The following CHD7 variants were observed in gnomAD, a reference collection of about 807,000 sequenced individuals.
CHD7 encodes chromodomain helicase DNA binding protein 7.
CHD7 carries 24 observed loss-of-function variants against 307.3 expected under a neutral mutation model. The ratio of observed to expected loss-of-function variants is 0.08; its 90% CI spans 0.06 to 0.11. The LOEUF is 0.11. Among genes scored for constraint, CHD7 ranks in the 10% least tolerant of loss-of-function variants. CHD7 has a pLI of 1.00. For synonymous variants in CHD7, 1,363 were observed against 1,349.9 expected, an observed-to-expected ratio of 1.01 and a Z score of -0.21; for missense variants, 3,106 against 3,727.1, an observed-to-expected ratio of 0.83 and a Z score of 4.34.
intron 3 of CHD7, 51 bp from the exon 4 acceptor site, chr8:60,794,935 A>G (rs1811944881): frequency 1.3e-6 from 2 of 1,522,064 alleles, no homozygotes; most frequent in South Asian, 2.5e-5. Context: ...TATAAGAGAC[A>G]TGCAGAAACA....
intron 2 of CHD7, among the ~76,000 whole-genome samples, chr8:60,769,304 T>G (rs1400991002): frequency 6.6e-6 from 1 of 152,178 alleles, no homozygotes; most frequent in African/African-American, 2.4e-5. Context: ...TCCCTCAAAC[T>G]GGGTTCAGGG....
At chr8:60,853,877 G>A (rs1223729274) in intron 31 of CHD7, among the ~76,000 whole-genome samples, 1 of 152,168 alleles carries the variant, frequency 6.6e-6, no homozygotes, top group African/African-American at 2.4e-5. Context: ...AACAACTGGT[G>A]CTTGTTATGT....
Position 60,741,880 on chromosome 8 carries a change from G to A in CHD7, c.448G>A (p.Val150Ile). 2 of 1,613,688 alleles carry A rather than the reference G, an allele frequency of 1.2e-6. No individual in the cohort carries two copies. Among genetic ancestry groups the A allele is most frequent in the Non-Finnish European group, 1.7e-6 (2 of 1,179,792 alleles). The change falls in exon 2 of 38, where the codon GTT becomes ATT. Residue 150 changes from valine to isoleucine, a missense_variant. Val to Ile is a conservative substitution (Grantham distance 29). Transcript: ENST00000423902. ...DSSSMWGPRAVQVPDQIRAPY... is the reference protein window; with the variant it reads ...DSSSMWGPRAIQVPDQIRAPY... ...CAGCTCCATGTGGGGCCCCAGGGCT[G>A]TTCAGGTACCAGACCAGATACGAGC...
At chr8:60,748,956 G>T (rs958183736) in intron 2 of CHD7, among the ~76,000 whole-genome samples, 1 of 149,512 alleles carries the variant, frequency 6.7e-6, no homozygotes, top group Non-Finnish European at 1.5e-5. Flanking sequence ...AAACCTGGAA[G>T]AATCAGTGGT....
At chr8:60,843,640 T>C (rs964638310) in intron 21 of CHD7, among the ~76,000 whole-genome samples, 3 of 152,210 alleles carry the variant, frequency 2.0e-5, no homozygotes, top group Non-Finnish European at 4.4e-5. Context: ...AGCACTCTGC[T>C]GTGGAGCATA....
intron 19 of CHD7, among the ~76,000 whole-genome samples, chr8:60,840,541 T>C (rs2150783846): frequency 6.6e-6 from 1 of 152,334 alleles, no homozygotes; most frequent in East Asian, 1.9e-4. Context: ...CTCACTATGT[T>C]GCCCAGGCCA....
intron 14 of CHD7, among the ~76,000 whole-genome samples, chr8:60,829,853 G>A (rs571421144): frequency 6.6e-6 from 1 of 152,286 alleles, no homozygotes; most frequent in East Asian, 1.9e-4. Context: ...CCAATCAATA[G>A]AAAAGAGAAC....
At chr8:60,857,621 GCTGGAACTCCTTGT>G (rs749165114) in intron 34 of CHD7, among the ~76,000 whole-genome samples, 23 of 152,160 alleles carry the variant, frequency 1.5e-4, no homozygotes, top group Non-Finnish European at 2.8e-4. Flanking sequence ...CACCATAGTG[GCTGGAACTCCTTGT>G]CTGTGTTGTG....
chr8:60,715,500 G>C (rs1281901952), intron 1 of CHD7, among the ~76,000 whole-genome samples: 1 of 151,958 alleles, frequency 6.6e-6, no homozygotes, highest in Non-Finnish European at 1.5e-5. Context: ...TTGTGTTTTA[G>C]TAGAGACAGA....
Position 60,856,090 on chromosome 8 carries a change from C to T in CHD7, c.7052C>T (p.Pro2351Leu), listed in dbSNP as rs373370399. The T allele has an allele frequency of 5.6e-6, 9 of 1,611,354 alleles. No individual in the cohort carries two copies. The highest frequency in any genetic ancestry group is 7.6e-6 in the Non-Finnish European group (9 of 1,178,762). ...CAAGGCCTCATCCCAGGTTACACAC[C>T]CACCACAGTGGACAGCCCCTTGCAG... The part of the protein sequence containing the change: ...DFQGLIPGYT[P>L]TTVDSPLQKR... The change falls in exon 33 of 38, where the codon CCC (proline) becomes CTC (leucine). Residue 2351 changes from proline to leucine, a missense_variant. Around this residue, in one of 10 missense-constraint regions of CHD7, gnomAD observed 1,030 missense variants for 1,165.4 expected, o/e 0.88. Coordinates refer to ENST00000423902, the MANE Select transcript of CHD7 (RefSeq NM_017780.4).
At chr8:60,814,947 C>A (rs1459477618) in intron 7 of CHD7, among the ~76,000 whole-genome samples, 3 of 152,168 alleles carry the variant, frequency 2.0e-5, no homozygotes, top group Non-Finnish European at 2.9e-5. Flanking sequence ...CAAAATGCTC[C>A]ATTGAGCATT....
chr8:60,755,201 T>A (rs2150605030), intron 2 of CHD7, among the ~76,000 whole-genome samples: 1 of 152,326 alleles, frequency 6.6e-6, no homozygotes, highest in Admixed American at 6.5e-5. Flanking sequence ...ACAAAAGAAT[T>A]GAAAGGTTGG....
At chr8:60,723,966 G>C (rs931745360) in intron 1 of CHD7, among the ~76,000 whole-genome samples, 1 of 152,180 alleles carries the variant, frequency 6.6e-6, no homozygotes, top group Non-Finnish European at 1.5e-5. Flanking sequence ...GTCAGACCTG[G>C]GTCCTCACCT....
intron 1 of CHD7, among the ~76,000 whole-genome samples, chr8:60,685,359 T>C (rs565566744): frequency 6.6e-6 from 1 of 152,378 alleles, no homozygotes; most frequent in Non-Finnish European, 1.5e-5. Flanking sequence ...ACTTGCCTGA[T>C]ACATAGCACT....
At chr8:60,806,736 C>T (rs1812553623) in intron 6 of CHD7, among the ~76,000 whole-genome samples, 1 of 152,144 alleles carries the variant, frequency 6.6e-6, no homozygotes, top group Non-Finnish European at 1.5e-5. Flanking sequence ...GGTGTGGTGG[C>T]TCATGCCTGT....
At chr8:60,776,414 C>T (rs1810955325) in intron 2 of CHD7, among the ~76,000 whole-genome samples, 2 of 152,196 alleles carry the variant, frequency 1.3e-5, no homozygotes, top group Non-Finnish European at 2.9e-5. Context: ...GATCTCCTCC[C>T]TTACAAAGCA....
intron 13 of CHD7, among the ~76,000 whole-genome samples, chr8:60,828,034 G>A (rs976913865): frequency 1.3e-5 from 2 of 151,938 alleles, no homozygotes; most frequent in African/African-American, 4.8e-5. Context: ...AGGAAAGCTG[G>A]GGAAAGAGTT....
chr8:60,753,326 A>G (rs995839068), intron 2 of CHD7, among the ~76,000 whole-genome samples: 13 of 152,300 alleles, frequency 8.5e-5, no homozygotes, highest in African/African-American at 2.9e-4. Flanking sequence ...TGTCCTGCCT[A>G]ACCTGACCTC....
chr8:60,715,284 C>G (rs889743772), intron 1 of CHD7, among the ~76,000 whole-genome samples: 2 of 151,056 alleles, frequency 1.3e-5, no homozygotes, highest in African/African-American at 4.9e-5. Flanking sequence ...GAATCAGACA[C>G]CAACTCAGGG....
Sources: allele counts gnomAD v4.1 joint callset (sites outside exome capture counted in the v4.1 genomes callset), GRCh38; gene constraint gnomAD v4.1.1; regional missense constraint gnomAD v4.1.1; transcripts MANE v1.5; gene names NCBI Gene and HGNC (gene_info 2026-07-23, HGNC 2026-07-21).